Variants in CDIN1 observed in about 807,000 individuals in gnomAD.
The protein encoded by CDIN1 is CDAN1 interacting nuclease 1, also known as CDAN1-interacting nuclease 1.
In CDIN1, 33 loss-of-function variants were observed where a neutral mutation model predicts 45.3. The ratio of observed to expected loss-of-function variants is 0.73; its 90% confidence interval spans 0.55 to 0.97. The LOEUF is 0.97. Among genes scored for constraint, CDIN1 ranks in the 50% least tolerant of loss-of-function variants. The pLI, the probability that CDIN1 is intolerant of heterozygous loss-of-function variation, is 0.00. For synonymous variants in CDIN1, 118 were observed against 124.4 expected, an observed-to-expected ratio of 0.95 and a Z score of 0.34; for missense variants, 303 against 339.4, an observed-to-expected ratio of 0.89 and a Z score of 0.84.
chr15:36,703,233 TCAG>T (rs759875170), intron 8 of CDIN1, among the ~76,000 whole-genome samples: 288 of 62,544 alleles, frequency 4.6e-3, no homozygotes, highest in Non-Finnish European at 5.6e-3. Flanking sequence ...TATATATATA[TCAG>T]ATATATATAT....
intron 10 of CDIN1, among the ~76,000 whole-genome samples, chr15:36,767,578 AT>A (rs1393621619): frequency 6.6e-6 from 1 of 152,274 alleles, no homozygotes; most frequent in African/African-American, 2.4e-5. Context: ...TGGGCTTCAT[AT>A]TCCCACCTGT....
intron 1 of CDIN1, among the ~76,000 whole-genome samples, chr15:36,611,269 A>T (rs567038627): frequency 6.6e-6 from 1 of 152,162 alleles, no homozygotes; most frequent in Admixed American, 6.6e-5. Context: ...TGTGTTTTCT[A>T]CTTACCAGAA....
chr15:36,671,263 T>C (rs2140537730), intron 5 of CDIN1, among the ~76,000 whole-genome samples: 1 of 152,234 alleles, frequency 6.6e-6, no homozygotes, highest in Non-Finnish European at 1.5e-5. Context: ...TGTTGCGTGT[T>C]CTTTGAGTCA....
chr15:36,801,884 T>C (rs1159884008), intron 10 of CDIN1, among the ~76,000 whole-genome samples: 2 of 152,208 alleles, frequency 1.3e-5, no homozygotes, highest in Non-Finnish European at 2.9e-5. Context: ...TTGAAATAAG[T>C]AGCCAGATAA....
In CDIN1 at chr15:36,808,554, C is replaced by A; in HGVS notation, c.*101C>A. The A allele has an allele frequency of 6.8e-7, 1 of 1,464,702 alleles. No homozygotes were observed. The allele number at this position is 1,464,702 out of a possible 1,614,324, so 90.7% of individuals were successfully genotyped here. ...TCCTGGCAACATCTGCCCTGAACTT[C>A]AGCTGAACTCTTGCTGCCCGTAGTC... is the stretch of plus-strand genomic sequence containing the variant. On this transcript the variant is annotated 3_prime_UTR_variant, in exon 11 of 11. Transcript: ENST00000566621.
chr15:36,765,581 G>A (rs1224546607), intron 10 of CDIN1, among the ~76,000 whole-genome samples: 3 of 152,100 alleles, frequency 2.0e-5, no homozygotes, highest in Non-Finnish European at 4.4e-5. Context: ...TGGAGGCCAT[G>A]TTCCATTAAA....
chr15:36,598,677 CT>C (rs1249164474), intron 1 of CDIN1, among the ~76,000 whole-genome samples: 5 of 152,128 alleles, frequency 3.3e-5, no homozygotes, highest in Non-Finnish European at 7.4e-5. Flanking sequence ...CCCTTCCTCC[CT>C]TTCTATTTTC....
chr15:36,632,037 G>A (rs944252835), intron 1 of CDIN1, among the ~76,000 whole-genome samples: 10 of 152,102 alleles, frequency 6.6e-5, no homozygotes, highest in African/African-American at 2.4e-4. Context: ...GTCTAACTAG[G>A]TTGCCTAGAC....
intron 10 of CDIN1, among the ~76,000 whole-genome samples, chr15:36,753,000 G>T (rs1272880726): frequency 1.3e-5 from 2 of 152,108 alleles, no homozygotes; most frequent in Non-Finnish European, 2.9e-5. Flanking sequence ...GAAGAGAGAC[G>T]TATGATATTT....
At chr15:36,691,025 G>A (rs776307817) in intron 5 of CDIN1, 1 of 400,036 alleles carries the variant, frequency 2.5e-6, no homozygotes, top group South Asian at 2.0e-5. Flanking sequence ...TGCAAGTTGA[G>A]GCATATTTTG....
intron 5 of CDIN1, among the ~76,000 whole-genome samples, chr15:36,684,716 T>G (rs1434181691): frequency 6.6e-6 from 1 of 152,132 alleles, no homozygotes; most frequent in African/African-American, 2.4e-5. Context: ...TCCTGGACTG[T>G]TTTTGGTTGG....
intron 10 of CDIN1, among the ~76,000 whole-genome samples, chr15:36,787,863 G>A (rs994244168): frequency 2.7e-5 from 4 of 150,662 alleles, no homozygotes; most frequent in Non-Finnish European, 5.9e-5. Context: ...ATTTAGATAT[G>A]TATCACATAT....
intron 10 of CDIN1, among the ~76,000 whole-genome samples, chr15:36,773,907 G>A (rs2054141230): frequency 6.6e-6 from 1 of 152,218 alleles, no homozygotes; most frequent in Non-Finnish European, 1.5e-5. Context: ...TGTGCCACTT[G>A]GCAAATGTCT....
At chr15:36,770,450 T>G (rs941929027) in intron 10 of CDIN1, among the ~76,000 whole-genome samples, 214 of 151,870 alleles carry the variant, frequency 1.4e-3, no homozygotes, top group African/African-American at 4.6e-3. Context: ...TGATTATTAT[T>G]ATTATTATTA....
At chr15:36,674,167 G>T (rs570146446) in intron 5 of CDIN1, among the ~76,000 whole-genome samples, 1 of 152,162 alleles carries the variant, frequency 6.6e-6, no homozygotes, top group Non-Finnish European at 1.5e-5. Flanking sequence ...AGATGTTCAA[G>T]TGTTATTATT....
At chr15:36,705,373 TA>T (rs1443484106) in intron 8 of CDIN1, 1 of 152,164 alleles carries the variant, frequency 6.6e-6, no homozygotes, top group African/African-American at 2.4e-5. Context: ...AAGATGAAAA[TA>T]AATTTTTCCC....
At chr15:36,751,833 T>A (rs1437243095) in intron 10 of CDIN1, among the ~76,000 whole-genome samples, 1 of 152,126 alleles carries the variant, frequency 6.6e-6, no homozygotes, top group Admixed American at 6.5e-5. Flanking sequence ...AGGAACAAGA[T>A]CATGTCCTTC....
intron 5 of CDIN1, among the ~76,000 whole-genome samples, chr15:36,689,011 A>AG (rs1566901659): frequency 2.0e-5 from 3 of 152,198 alleles, no homozygotes; most frequent in Admixed American, 2.0e-4. Context: ...GTTGAGGTTA[A>AG]AATGAATGTG....
At chr15:36,670,905 A>G (rs1374328974) in intron 5 of CDIN1, among the ~76,000 whole-genome samples, 7 of 151,110 alleles carry the variant, frequency 4.6e-5, no homozygotes, top group South Asian at 2.1e-4. Context: ...TTACATGAGG[A>G]AAAAAAAACA....
Sources: allele counts gnomAD v4.1 joint callset (sites outside exome capture counted in the v4.1 genomes callset), GRCh38; gene constraint gnomAD v4.1.1; transcripts MANE v1.5; gene names NCBI Gene and HGNC (gene_info 2026-07-23, HGNC 2026-07-21).